The following RBFOX1 variants were observed in gnomAD, a reference collection of about 807,000 sequenced individuals.
RBFOX1 encodes RNA binding protein fox-1 homolog 1.
RBFOX1 carries 8 observed loss-of-function variants against 57.7 expected under a neutral mutation model. That is an observed-to-expected ratio of 0.14 (90% CI 0.08 to 0.25). RBFOX1 has a LOEUF of 0.25. RBFOX1 is among the 10% of genes least tolerant of loss of function. The probability of loss-of-function intolerance (pLI) is 1.00; values close to 1 mark genes in which losing one functional copy is unlikely to be tolerated. For missense variants in RBFOX1, 611 were observed against 548.5 expected (o/e 1.11, Z -1.14); for synonymous variants, 326 against 222.4 (o/e 1.47, Z -4.15).
At chr16:7,256,117 T>C (rs564215660) in intron 4 of RBFOX1, among the ~76,000 whole-genome samples, 15 of 152,368 alleles carry the variant, frequency 9.8e-5, no homozygotes, top group Admixed American at 5.9e-4. Context: ...GGTGAGCTTC[T>C]AAAATGCACT....
intron 1 of RBFOX1, among the ~76,000 whole-genome samples, chr16:5,456,868 C>T (rs575915650): frequency 1.3e-5 from 2 of 152,324 alleles, no homozygotes; most frequent in African/African-American, 4.8e-5. Context: ...AAGCCACTCC[C>T]CACTTCTCTT....
At chr16:6,496,853 G>T (rs974884566) in intron 2 of RBFOX1, among the ~76,000 whole-genome samples, 12 of 152,060 alleles carry the variant, frequency 7.9e-5, no homozygotes, top group Admixed American at 7.9e-4. Context: ...CCAGCTACTC[G>T]GGAGGCTGAG....
At chr16:5,441,532 T>C (rs2068084533) in intron 1 of RBFOX1, among the ~76,000 whole-genome samples, 2 of 152,176 alleles carry the variant, frequency 1.3e-5, no homozygotes, top group South Asian at 2.1e-4. Flanking sequence ...GCCTGGCTAA[T>C]TTTTGTATTT....
At chr16:5,766,349 A>G (rs770266335) in intron 3 of RBFOX1, among the ~76,000 whole-genome samples, 2 of 152,048 alleles carry the variant, frequency 1.3e-5, no homozygotes, top group Admixed American at 6.5e-5. Flanking sequence ...CGCTTTGGGT[A>G]GCTGAGGTGG....
chr16:6,911,949 C>G (rs1342681922), intron 3 of RBFOX1, among the ~76,000 whole-genome samples: 2 of 152,138 alleles, frequency 1.3e-5, no homozygotes, highest in Non-Finnish European at 2.9e-5. Context: ...ACTTGGTTCA[C>G]CAATCCTTTG....
intron 2 of RBFOX1, among the ~76,000 whole-genome samples, chr16:6,637,498 A>T (rs2098454482): frequency 1.7e-5 from 1 of 60,378 alleles, no homozygotes; most frequent in South Asian, 1.0e-3. Flanking sequence ...TATATTATAT[A>T]TAATATTCTA....
intron 3 of RBFOX1, among the ~76,000 whole-genome samples, chr16:6,788,358 A>G (rs559262916): frequency 6.6e-6 from 1 of 152,160 alleles, no homozygotes; most frequent in African/African-American, 2.4e-5. Context: ...CTGGTGAGGC[A>G]TGTAACTACC....
chr16:5,833,956 C>A (rs2056368908), intron 3 of RBFOX1, among the ~76,000 whole-genome samples: 1 of 152,170 alleles, frequency 6.6e-6, no homozygotes, highest in Admixed American at 6.5e-5. Context: ...GTTTGAAGCT[C>A]CCTTTCCTAA....
In RBFOX1 at chr16:7,029,034, GAA is replaced by G. The variant is rs1213462573; in HGVS notation, c.-15-23014_-15-23013del. Among the ~76,000 whole-genome samples the G allele has an allele frequency of 5.9e-5, 3 of 50,992 alleles. No individual in the cohort carries two copies. The South Asian group carries it at 1.6e-3, about 27-fold the overall frequency. 33.5% of individuals were successfully genotyped at this position (50,992 alleles called of 152,430 possible). A position where few individuals can be genotyped will look rare whatever the true frequency, so the allele number is the denominator to read the frequency against. ...TTCTAGTAATGCTAAGCATAAAACAGAAAAAAAAAAGCTATATATATATATAT... is the reference window on the plus strand; with the variant it reads ...TTCTAGTAATGCTAAGCATAAAACAGAAAAAAAAGCTATATATATATATAT... On this transcript the variant is annotated intron_variant, in intron 3 of 15. Transcript: ENST00000550418.
At chr16:7,149,328 T>C (rs374752702) in intron 4 of RBFOX1, among the ~76,000 whole-genome samples, 1 of 151,914 alleles carries the variant, frequency 6.6e-6, no homozygotes, top group Admixed American at 6.6e-5. Context: ...GGGTAAAGAG[T>C]CAAGTCTCTT....
chr16:6,823,038 G>A (rs1428319814), intron 3 of RBFOX1, among the ~76,000 whole-genome samples: 1 of 152,112 alleles, frequency 6.6e-6, no homozygotes, highest in African/African-American at 2.4e-5. Flanking sequence ...CTGATGTCAT[G>A]TTTGTTATTG....
chr16:5,693,299 T>C (rs931804215), intron 3 of RBFOX1, among the ~76,000 whole-genome samples: 3 of 151,858 alleles, frequency 2.0e-5, no homozygotes, highest in African/African-American at 7.3e-5. Context: ...TGTAGACCTT[T>C]GCATTAAAAT....
At chr16:6,661,419 G>C (rs1038706786) in intron 3 of RBFOX1, among the ~76,000 whole-genome samples, 1 of 152,172 alleles carries the variant, frequency 6.6e-6, no homozygotes, top group African/African-American at 2.4e-5. Context: ...TTGGCTAAAG[G>C]AGAGACTACA....
At chr16:6,902,566 A>G (rs765291788) in intron 3 of RBFOX1, among the ~76,000 whole-genome samples, 10 of 152,178 alleles carry the variant, frequency 6.6e-5, no homozygotes, top group Admixed American at 2.0e-4. Flanking sequence ...TACTAAAAAT[A>G]CAAAAATTGG....
chr16:6,033,289 T>A (rs552834659), intron 1 of RBFOX1, among the ~76,000 whole-genome samples: 1 of 152,218 alleles, frequency 6.6e-6, no homozygotes, highest in East Asian at 1.9e-4. Flanking sequence ...GAATGATGTA[T>A]GTTACAGGGC....
At chr16:5,506,323 G>T (rs1009966517) in intron 2 of RBFOX1, among the ~76,000 whole-genome samples, 6 of 152,170 alleles carry the variant, frequency 3.9e-5, no homozygotes, top group Admixed American at 3.9e-4. Flanking sequence ...GACGTAAGTC[G>T]CGGATAGCTC....
intron 1 of RBFOX1, among the ~76,000 whole-genome samples, chr16:6,078,853 A>C (rs941349111): frequency 1.3e-5 from 2 of 152,218 alleles, no homozygotes; most frequent in African/African-American, 4.8e-5. Context: ...GTAGATTTTC[A>C]TGGTTCTAAG....
At chr16:7,263,304 G>A (rs2094994814) in intron 4 of RBFOX1, among the ~76,000 whole-genome samples, 1 of 152,138 alleles carries the variant, frequency 6.6e-6, no homozygotes, top group East Asian at 1.9e-4. Context: ...TGAAAGACCT[G>A]TTTGGCCCTT....
intron 2 of RBFOX1, among the ~76,000 whole-genome samples, chr16:6,638,237 C>T (rs951443727): frequency 6.6e-6 from 1 of 152,040 alleles, no homozygotes; most frequent in African/African-American, 2.4e-5. Flanking sequence ...GTGGAAAAAC[C>T]AGACAAATGT....
Sources: allele counts gnomAD v4.1 joint callset (sites outside exome capture counted in the v4.1 genomes callset), GRCh38; gene constraint gnomAD v4.1.1; transcripts MANE v1.5; gene names NCBI Gene and HGNC (gene_info 2026-07-23, HGNC 2026-07-21).